Variants in ARHGEF10L observed in about 807,000 individuals in gnomAD.
The protein encoded by ARHGEF10L is rho guanine nucleotide exchange factor 10-like protein.
In ARHGEF10L, 69 loss-of-function variants were observed where a neutral mutation model predicts 141.2. That is an observed-to-expected ratio of 0.49 (90% CI 0.40 to 0.60). The LOEUF is 0.60. ARHGEF10L is among the 20% of genes least tolerant of loss of function. The pLI, the probability that ARHGEF10L is intolerant of heterozygous loss-of-function variation, is 0.00. For synonymous variants in ARHGEF10L, 711 were observed against 718.5 expected (o/e 0.99, Z 0.17); for missense variants, 1,482 against 1,734.3 (o/e 0.85, Z 2.58).
rs567520187 is a variant in ARHGEF10L, at chr1:17,667,966, C to G, written c.3009+3371C>G. On this transcript the variant is annotated intron_variant, in intron 26 of 28. Coordinates refer to ENST00000361221, the MANE Select transcript of ARHGEF10L (RefSeq NM_018125.4). ...GAGAGCAGGCTGCTTCAGACGGGAC[C>G]GTAGCTGTGCCCCTGCCAAGCTATG... Among the ~76,000 whole-genome samples the G allele has an allele frequency of 2.4e-4, 37 of 152,304 alleles. No individual in the cohort carries two copies. The East Asian group carries it at 7.1e-3, about 29-fold the overall frequency.
chr1:17,558,750 T>C lies in ARHGEF10L; in HGVS notation c.-44+18800T>C, dbSNP rs1473509648. 6.6e-6 allele frequency among the ~76,000 whole-genome samples: 1 copy of C among 152,084 alleles called. No individual in the cohort carries two copies. The highest frequency in any genetic ancestry group is 1.5e-5 in the Non-Finnish European group (1 of 68,012). Reference sequence around the variant, plus strand: ...ATGCTTAGCCAACATGAGTTGTCAGTGAATGGGGAGATGAGTCAGAAAGGA... The same window carrying C: ...ATGCTTAGCCAACATGAGTTGTCAGCGAATGGGGAGATGAGTCAGAAAGGA... On this transcript the variant is annotated intron_variant, in intron 1 of 28. Coordinates refer to ENST00000361221, the MANE Select transcript of ARHGEF10L (RefSeq NM_018125.4). The surrounding 1 kb of genome is among the most constrained non-coding windows in gnomAD (Gnocchi z 4.2).
chr1:17,618,211 T>C, intron 9 of ARHGEF10L: 1 of 1,021,662 alleles, frequency 9.8e-7, no homozygotes, highest in Non-Finnish European at 1.4e-6. Context: ...GAACTCTTCC[T>C]GGGTCACCCT....
intron 2 of ARHGEF10L, among the ~76,000 whole-genome samples, chr1:17,581,303 C>A: frequency 1.3e-5 from 1 of 75,208 alleles, no homozygotes; most frequent in African/African-American, 4.9e-5. Flanking sequence ...CAGAGCAAGA[C>A]TGTCTCAAAA....
chr1:17,578,580 G>C (rs866036364), intron 1 of ARHGEF10L, among the ~76,000 whole-genome samples: 16 of 152,176 alleles, frequency 1.1e-4, no homozygotes, highest in South Asian at 2.1e-4. Context: ...CCAGCTACTG[G>C]GGAGGCTGAG....
At chr1:17,544,761 C>G (rs564248197) in intron 1 of ARHGEF10L, among the ~76,000 whole-genome samples, 2 of 151,850 alleles carry the variant, frequency 1.3e-5, no homozygotes, top group Non-Finnish European at 2.9e-5. Flanking sequence ...TGAAGAAATA[C>G]CTGAGACTAG....
chr1:17,636,257 G>A (rs759425089), intron 18 of ARHGEF10L, among the ~76,000 whole-genome samples: 3 of 152,128 alleles, frequency 2.0e-5, no homozygotes, highest in East Asian at 1.9e-4. Context: ...CCAGAGTCAC[G>A]TACTGCCAGA....
the ARHGEF10L span, among the ~76,000 whole-genome samples, chr1:17,533,684 C>T: frequency 2.1e-3 from 319 of 152,242 alleles, 1 homozygote; most frequent in Admixed American, 3.4e-3. Flanking sequence ...GGTGTTGCTC[C>T]GTGCATCCCA....
At chr1:17,616,001 C>T in intron 8 of ARHGEF10L, 93 bp from the exon 9 acceptor site, 2 of 1,040,710 alleles carry the variant, frequency 1.9e-6, no homozygotes, top group Non-Finnish European at 3.0e-6. Flanking sequence ...TGGTTCTGAT[C>T]TCTGCAGGCC....
chr1:17,618,515 C>T (rs1275359169), intron 9 of ARHGEF10L: 1 of 1,448,298 alleles, frequency 6.9e-7, no homozygotes, highest in Non-Finnish European at 9.1e-7. Context: ...CCTCTGTCTC[C>T]TGCTCAGGTA....
chr1:17,590,317 G>A (rs956883105), intron 4 of ARHGEF10L, among the ~76,000 whole-genome samples: 1 of 152,254 alleles, frequency 6.6e-6, no homozygotes, highest in South Asian at 2.1e-4. Flanking sequence ...GAGCTCTTGG[G>A]AGAGTGGCGT....
chr1:17,530,187 C>T, the ARHGEF10L span, among the ~76,000 whole-genome samples: 1 of 151,930 alleles, frequency 6.6e-6, no homozygotes, highest in African/African-American at 2.4e-5. Flanking sequence ...CTGGGCACAC[C>T]CTAGGCACCT....
chr1:17,599,157 G>A (rs533207335), intron 4 of ARHGEF10L, among the ~76,000 whole-genome samples: 3 of 152,082 alleles, frequency 2.0e-5, no homozygotes, highest in South Asian at 2.1e-4. Context: ...CCAACGTGGC[G>A]AAACCCCATC....
chr1:17,557,966 C>G (rs2077401017), intron 1 of ARHGEF10L, among the ~76,000 whole-genome samples: 1 of 152,160 alleles, frequency 6.6e-6, no homozygotes, highest in Non-Finnish European at 1.5e-5. Flanking sequence ...TGTCCTCTGA[C>G]CACTACTTAC....
the ARHGEF10L span, among the ~76,000 whole-genome samples, chr1:17,529,620 A>G: frequency 2.0e-5 from 3 of 152,188 alleles, no homozygotes; most frequent in Non-Finnish European, 4.4e-5. Flanking sequence ...ATGACCCATG[A>G]ATGACAAGCT....
chr1:17,558,336 G>A lies in ARHGEF10L; in HGVS notation c.-44+18386G>A. Reference sequence around the variant, plus strand: ...ACCCATCATCTCTTGAATCTCTTCGGCATGCTAAGGACTGCCCTGGGTATT... The same window carrying A: ...ACCCATCATCTCTTGAATCTCTTCGACATGCTAAGGACTGCCCTGGGTATT... On this transcript the variant is annotated intron_variant, in intron 1 of 28. Transcript: ENST00000361221. The surrounding 1 kb of genome is among the most constrained non-coding windows in gnomAD (Gnocchi z 4.2). Among the ~76,000 whole-genome samples the A allele has an allele frequency of 6.6e-6, 1 of 152,124 alleles. No individual in the cohort carries two copies. The highest frequency in any genetic ancestry group is 1.9e-4 in the East Asian group (1 of 5,190).
chr1:17,659,672 C>T (rs2062489359), intron 25 of ARHGEF10L, among the ~76,000 whole-genome samples: 1 of 152,220 alleles, frequency 6.6e-6, no homozygotes, highest in Non-Finnish European at 1.5e-5. Flanking sequence ...CCCTCATCTT[C>T]GTCTAGAAGC....
the ARHGEF10L span, among the ~76,000 whole-genome samples, chr1:17,529,762 CA>C: frequency 6.7e-6 from 1 of 150,020 alleles, no homozygotes; most frequent in Admixed American, 6.6e-5. Context: ...CAGGAATGAT[CA>C]GGGGGTCCCT....
intron 9 of ARHGEF10L, among the ~76,000 whole-genome samples, chr1:17,617,101 C>T (rs77462730): frequency 0.019 from 2,837 of 152,212 alleles, 74 homozygotes; most frequent in African/African-American, 0.058. Flanking sequence ...CCTCAGGTGG[C>T]GGAAGTGAGG....
chr1:17,569,808 C>T (rs1197575233), intron 1 of ARHGEF10L, among the ~76,000 whole-genome samples: 1 of 152,204 alleles, frequency 6.6e-6, no homozygotes, highest in African/African-American at 2.4e-5. Flanking sequence ...GGATCCTGTC[C>T]CCTTTGCCGG....
Sources: gnomAD v4.1 joint callset for allele counts (sites outside exome capture counted in the v4.1 genomes callset) on GRCh38, gnomAD v4.1.1 for gene constraint, Gnocchi (gnomAD v3.1) non-coding constraint, MANE v1.5 for transcripts, NCBI Gene and HGNC (gene_info 2026-07-23, HGNC 2026-07-21) for gene names.